PPP1R14C: variants seen among roughly 807,000 people sequenced by gnomAD.
The protein encoded by PPP1R14C is protein phosphatase 1 regulatory inhibitor subunit 14C, also known as protein phosphatase 1 regulatory subunit 14C.
Under a neutral mutation model 20.4 loss-of-function variants are expected in PPP1R14C, and 16 were observed. The observed-to-expected ratio is 0.78, with a 90% CI of 0.53 to 1.19. The LOEUF (loss-of-function observed/expected upper bound fraction) is 1.19, where lower values mean the gene tolerates loss of function less well. Among genes scored for constraint, PPP1R14C ranks in the 50% most tolerant of loss-of-function variants. The pLI is 0.00. For synonymous variants in PPP1R14C, 91 were observed against 91.0 expected, an observed-to-expected ratio of 1.00 and a Z score of 0.00; for missense variants, 211 against 220.1, an observed-to-expected ratio of 0.96 and a Z score of 0.26.
At chr6:150,160,373 T>C (rs1339724414) in intron 1 of PPP1R14C, among the ~76,000 whole-genome samples, 3 of 148,454 alleles carry the variant, frequency 2.0e-5, no homozygotes, top group African/African-American at 7.4e-5. Flanking sequence ...CACGCCATTC[T>C]CCTGCTTCAG....
At chr6:150,232,767 G>A (rs1364732647) in intron 3 of PPP1R14C, among the ~76,000 whole-genome samples, 2 of 152,156 alleles carry the variant, frequency 1.3e-5, no homozygotes, top group African/African-American at 2.4e-5. Flanking sequence ...CCTGCATTTT[G>A]TCTCAATTAC....
intron 1 of PPP1R14C, among the ~76,000 whole-genome samples, chr6:150,183,518 CT>C (rs1029647391): frequency 1.7e-4 from 25 of 147,246 alleles, no homozygotes; most frequent in Admixed American, 2.0e-4. Flanking sequence ...TGGGACATTT[CT>C]TTTTTTTTTT....
intron 1 of PPP1R14C, among the ~76,000 whole-genome samples, chr6:150,172,819 G>A (rs1777514224): frequency 6.6e-6 from 1 of 152,066 alleles, no homozygotes; most frequent in Non-Finnish European, 1.5e-5. Context: ...CTCCCCAGGA[G>A]GCCAGATGCA....
intron 1 of PPP1R14C, among the ~76,000 whole-genome samples, chr6:150,181,769 CAT>C (rs1209892468): frequency 6.6e-6 from 1 of 152,196 alleles, no homozygotes; most frequent in African/African-American, 2.4e-5. Context: ...TTTTGACAAA[CAT>C]AGCATACTTT....
At chr6:150,233,465 T>C (rs749689548) in intron 3 of PPP1R14C, among the ~76,000 whole-genome samples, 1 of 152,196 alleles carries the variant, frequency 6.6e-6, no homozygotes, top group African/African-American at 2.4e-5. Context: ...CTTCTAATAT[T>C]AAACATTGAA....
At chr6:150,158,465 C>T (rs1777329040) in intron 1 of PPP1R14C, among the ~76,000 whole-genome samples, 1 of 152,268 alleles carries the variant, frequency 6.6e-6, no homozygotes, top group Admixed American at 6.5e-5. Flanking sequence ...AAGAGAATTA[C>T]CTTTCTGCAA....
chr6:150,249,250 A>G lies in PPP1R14C; in HGVS notation c.*430A>G. 1 of 399,788 alleles carries G rather than the reference A, an allele frequency of 2.5e-6. No homozygotes were observed. The highest frequency in any genetic ancestry group is 4.4e-6 in the Non-Finnish European group (1 of 226,872). The allele number at this position is 399,788 out of a possible 1,614,324, so 24.8% of individuals were successfully genotyped here. A position where few individuals can be genotyped will look rare whatever the true frequency, so the allele number is the denominator to read the frequency against. On this transcript the variant is annotated 3_prime_UTR_variant, in exon 4 of 4. Transcript: ENST00000361131. ...CAGCTGTCAAATTTCTCACACTTGTATATATCTACACACAACTAAGTTAAA... is the reference window on the plus strand; with the variant it reads ...CAGCTGTCAAATTTCTCACACTTGTGTATATCTACACACAACTAAGTTAAA...
intron 1 of PPP1R14C, among the ~76,000 whole-genome samples, chr6:150,169,818 G>T (rs1777477302): frequency 6.6e-6 from 1 of 152,238 alleles, no homozygotes; most frequent in South Asian, 2.1e-4. Flanking sequence ...TGCATCATTT[G>T]TTGGGGGTGA....
At chr6:150,171,954 C>A (rs951509836) in intron 1 of PPP1R14C, among the ~76,000 whole-genome samples, 1 of 152,004 alleles carries the variant, frequency 6.6e-6, no homozygotes, top group Admixed American at 6.6e-5. Flanking sequence ...TACAGGTTCC[C>A]GCCACCATGC....
intron 1 of PPP1R14C, among the ~76,000 whole-genome samples, chr6:150,193,186 A>G (rs1400112748): frequency 3.3e-5 from 5 of 152,090 alleles, no homozygotes; most frequent in African/African-American, 1.2e-4. Context: ...GATTATCCAA[A>G]TCACCGAGGG....
At chr6:150,244,473 ATACTC>A (rs908157788) in intron 3 of PPP1R14C, among the ~76,000 whole-genome samples, 5 of 152,028 alleles carry the variant, frequency 3.3e-5, no homozygotes, top group Non-Finnish European at 1.5e-5. Context: ...CTCTCTATTT[ATACTC>A]TACTCAGCTC....
intron 3 of PPP1R14C, among the ~76,000 whole-genome samples, chr6:150,235,899 C>T (rs1778353976): frequency 1.3e-5 from 2 of 152,200 alleles, no homozygotes; most frequent in African/African-American, 4.8e-5. Context: ...CTGACCTTTG[C>T]ATGTCTTTCG....
intron 3 of PPP1R14C, among the ~76,000 whole-genome samples, chr6:150,232,213 A>T (rs904141576): frequency 1.3e-5 from 2 of 151,824 alleles, no homozygotes; most frequent in African/African-American, 4.8e-5. Context: ...TTGGGTGTTC[A>T]TGTTTCCTTC....
chr6:150,147,141 T>C (rs2114847786), intron 1 of PPP1R14C, among the ~76,000 whole-genome samples: 1 of 152,016 alleles, frequency 6.6e-6, no homozygotes, highest in South Asian at 2.1e-4. Flanking sequence ...TTTTTTTTTT[T>C]TAATCTCTTC....
intron 2 of PPP1R14C, among the ~76,000 whole-genome samples, chr6:150,215,907 T>C (rs1778085778): frequency 6.6e-6 from 1 of 152,168 alleles, no homozygotes; most frequent in Non-Finnish European, 1.5e-5. Flanking sequence ...CTGGCTCAAC[T>C]TGAATATCCA....
intron 1 of PPP1R14C, among the ~76,000 whole-genome samples, chr6:150,174,437 C>T (rs541973709): frequency 3.6e-4 from 54 of 151,766 alleles, no homozygotes; most frequent in East Asian, 1.6e-3. Flanking sequence ...AGGATGGTCT[C>T]GATCTCCTGA....
chr6:150,228,398 A>G (rs953145333), intron 3 of PPP1R14C, among the ~76,000 whole-genome samples: 2 of 152,234 alleles, frequency 1.3e-5, no homozygotes, highest in Non-Finnish European at 2.9e-5. Context: ...AGTCAAGGGA[A>G]GAGACACAGG....
intron 3 of PPP1R14C, among the ~76,000 whole-genome samples, chr6:150,218,891 A>G (rs6935244): frequency 0.21 from 31,796 of 152,030 alleles, 4,932 homozygotes; most frequent in African/African-American, 0.43. Flanking sequence ...GCCTCAAGCT[A>G]TCCTCCTGCT....
intron 3 of PPP1R14C, among the ~76,000 whole-genome samples, chr6:150,222,005 C>T (rs1324531096): frequency 1.3e-5 from 2 of 152,076 alleles, no homozygotes; most frequent in Non-Finnish European, 2.9e-5. Context: ...CTCCATGTTG[C>T]CCAGGCTAGT....
Sources: allele counts gnomAD v4.1 joint callset (sites outside exome capture counted in the v4.1 genomes callset), GRCh38; gene constraint gnomAD v4.1.1; transcripts MANE v1.5; gene names NCBI Gene and HGNC (gene_info 2026-07-23, HGNC 2026-07-21).